The following THSD4 variants were observed in gnomAD, a reference collection of about 807,000 sequenced individuals.
THSD4 encodes thrombospondin type 1 domain containing 4.
Under a neutral mutation model 119.0 loss-of-function variants are expected in THSD4, and 69 were observed. The observed-to-expected ratio is 0.58, with a 90% CI of 0.48 to 0.71. THSD4 has a LOEUF of 0.71. Ranked by LOEUF, THSD4 falls within the 30% of genes least tolerant of loss-of-function variation. THSD4 has a pLI of 0.00. For missense variants in THSD4, 1,393 were observed against 1,391.1 expected (o/e 1.00, Z -0.02); for synonymous variants, 524 against 540.4 (o/e 0.97, Z 0.42).
chr15:71,109,595 A>G (rs982464848), intron 1 of THSD4, among the ~76,000 whole-genome samples: 1 of 152,192 alleles, frequency 6.6e-6, no homozygotes, highest in African/African-American at 2.4e-5. Context: ...GGTGACTTCT[A>G]CGATGGGATG....
chr15:71,302,663 C>T (rs923571370), intron 6 of THSD4, among the ~76,000 whole-genome samples: 1 of 152,092 alleles, frequency 6.6e-6, no homozygotes, highest in Non-Finnish European at 1.5e-5. Context: ...CATGCTCCTG[C>T]CCATGCTTAG....
chr15:71,486,756 C>T (rs1033222640), intron 7 of THSD4, among the ~76,000 whole-genome samples: 3 of 151,970 alleles, frequency 2.0e-5, no homozygotes, highest in Non-Finnish European at 4.4e-5. Flanking sequence ...AATGCTGGCT[C>T]ATGGTGAGGT....
At chr15:71,611,272 T>A (rs1426851676) in intron 7 of THSD4, among the ~76,000 whole-genome samples, 1 of 152,238 alleles carries the variant, frequency 6.6e-6, no homozygotes, top group Non-Finnish European at 1.5e-5. Flanking sequence ...AGTGTTGCTA[T>A]GCTGGTCTTC....
intron 7 of THSD4, among the ~76,000 whole-genome samples, chr15:71,488,872 C>T (rs1290280808): frequency 6.6e-5 from 10 of 152,142 alleles, no homozygotes; most frequent in South Asian, 2.1e-4. Context: ...CTACTATTAG[C>T]GAGTTATTCC....
intron 6 of THSD4, among the ~76,000 whole-genome samples, chr15:71,301,753 A>G (rs1013080532): frequency 2.0e-5 from 3 of 152,136 alleles, no homozygotes; most frequent in African/African-American, 7.3e-5. Flanking sequence ...GTTACAATGC[A>G]GAGTTTCGAA....
At chr15:71,252,408 A>T (rs1243551981) in intron 5 of THSD4, among the ~76,000 whole-genome samples, 1 of 152,258 alleles carries the variant, frequency 6.6e-6, no homozygotes, top group African/African-American at 2.4e-5. Context: ...AACAGATGTA[A>T]TCTATAAAAG....
intron 7 of THSD4, among the ~76,000 whole-genome samples, chr15:71,422,052 T>C (rs1051671010): frequency 6.6e-6 from 1 of 152,216 alleles, no homozygotes; most frequent in African/African-American, 2.4e-5. Flanking sequence ...CTGAATTCCT[T>C]CTCTGTGTTG....
At chr15:71,583,379 CTGT>C (rs1040088236) in intron 7 of THSD4, among the ~76,000 whole-genome samples, 54 of 151,394 alleles carry the variant, frequency 3.6e-4, no homozygotes, top group African/African-American at 1.3e-3. Flanking sequence ...ATTGATCTTT[CTGT>C]TGTTTTTCTA....
chr15:71,562,181 A>G (rs924030211), intron 7 of THSD4, among the ~76,000 whole-genome samples: 1 of 152,224 alleles, frequency 6.6e-6, no homozygotes, highest in Non-Finnish European at 1.5e-5. Flanking sequence ...TGAGACCTTT[A>G]GGCAAGGGAA....
At chr15:71,597,595 C>A (rs2049928183) in intron 7 of THSD4, among the ~76,000 whole-genome samples, 1 of 152,150 alleles carries the variant, frequency 6.6e-6, no homozygotes, top group Non-Finnish European at 1.5e-5. Context: ...AAAGAAAGCA[C>A]TTTTAATACT....
chr15:71,142,823 G>A (rs1399142955), intron 2 of THSD4, among the ~76,000 whole-genome samples: 1 of 152,220 alleles, frequency 6.6e-6, no homozygotes, highest in Non-Finnish European at 1.5e-5. Flanking sequence ...ATATCTTGTA[G>A]TCTTTTTTCC....
intron 7 of THSD4, among the ~76,000 whole-genome samples, chr15:71,413,411 A>T (rs2046716677): frequency 6.6e-6 from 1 of 152,082 alleles, no homozygotes; most frequent in Non-Finnish European, 1.5e-5. Flanking sequence ...TTCTAACTGT[A>T]TTTTTTTGCC....
intron 14 of THSD4, 80 bp downstream of exon 14, chr15:71,748,674 C>A: frequency 6.6e-7 from 1 of 1,513,830 alleles, no homozygotes; most frequent in South Asian, 1.2e-5. Context: ...GAGTCACTAG[C>A]TCAGAATCCC....
intron 1 of THSD4, among the ~76,000 whole-genome samples, chr15:71,125,265 G>T (rs12440047): frequency 0.1 from 15,948 of 152,088 alleles, 883 homozygotes; most frequent in South Asian, 0.19. Context: ...CTGCTGGCTG[G>T]AGTTTGGAAC....
chr15:71,619,071 G>C (rs2050373723), intron 7 of THSD4, among the ~76,000 whole-genome samples: 1 of 151,814 alleles, frequency 6.6e-6, no homozygotes, highest in Non-Finnish European at 1.5e-5. Context: ...CTGGGTTCAA[G>C]CAATTCTTCT....
At chr15:71,382,609 A>G (rs1009300950) in intron 6 of THSD4, among the ~76,000 whole-genome samples, 7 of 152,170 alleles carry the variant, frequency 4.6e-5, no homozygotes, top group African/African-American at 1.7e-4. Context: ...CCTTTCTTAT[A>G]ACTTTCCTCA....
intron 8 of THSD4, 97 bp downstream of exon 8, chr15:71,660,831 C>CG: frequency 1.4e-6 from 2 of 1,393,206 alleles, no homozygotes; most frequent in Non-Finnish European, 2.0e-6. Context: ...CCGAGAGTCC[C>CG]GGGGCATGCA....
intron 7 of THSD4, among the ~76,000 whole-genome samples, chr15:71,450,296 G>C (rs935960542): frequency 2.6e-5 from 4 of 152,190 alleles, no homozygotes; most frequent in Non-Finnish European, 5.9e-5. Context: ...TGCTCTGGGT[G>C]CCTGGTGATT....
rs1184290233 is a variant in THSD4 at position 71,765,169 on chromosome 15, A to T, written c.2739A>T (p.Gly913=). 6.2e-7 allele frequency: 1 copy of T among 1,614,164 alleles called. No individual in the cohort carries two copies. Among genetic ancestry groups the T allele is most frequent in the East Asian group, 2.2e-5 (1 of 44,886 alleles). ...SQQSCHLKPC[G]AKWFSTEWSM... ...AATCCTGCCACCTCAAGCCTTGCGG[A>T]GCCAAATGGTTTAGCACCGAATGGA... The change falls in exon 16 of 18, where the codon GGA becomes GGT. Residue 913 remains glycine, a synonymous_variant. Transcript: ENST00000261862.
Sources: gnomAD v4.1 joint callset for allele counts (sites outside exome capture counted in the v4.1 genomes callset) on GRCh38, gnomAD v4.1.1 for gene constraint, MANE v1.5 for transcripts, NCBI Gene and HGNC (gene_info 2026-07-23, HGNC 2026-07-21) for gene names.